The following JMJD1C variants were observed in gnomAD, a reference collection of about 807,000 sequenced individuals.
The protein encoded by JMJD1C is jumonji domain-containing protein 1C.
In JMJD1C, 31 loss-of-function variants were observed where a neutral mutation model predicts 245.3. That is an observed-to-expected ratio of 0.13 (90% CI 0.09 to 0.17). JMJD1C has a LOEUF of 0.17. Ranked by LOEUF, JMJD1C falls within the 10% of genes least tolerant of loss-of-function variation. JMJD1C has a pLI of 1.00. For synonymous variants in JMJD1C, 1,057 were observed against 1,017.4 expected (o/e 1.04, Z -0.74); for missense variants, 2,691 against 3,000.2 (o/e 0.90, Z 2.41).
chr10:63,171,009 T>A (rs1842299209), intron 24 of JMJD1C, among the ~76,000 whole-genome samples: 1 of 152,250 alleles, frequency 6.6e-6, no homozygotes, highest in Admixed American at 6.5e-5. Context: ...GATTGCTATT[T>A]ACTCAGTTAT....
intron 2 of JMJD1C, among the ~76,000 whole-genome samples, chr10:63,330,628 T>G (rs1490160699): frequency 6.6e-6 from 1 of 152,032 alleles, no homozygotes; most frequent in Non-Finnish European, 1.5e-5. Context: ...CTATTATCAT[T>G]TTTTCTTTCT....
intron 3 of JMJD1C, among the ~76,000 whole-genome samples, chr10:63,244,256 C>G (rs977445997): frequency 1.3e-5 from 2 of 152,154 alleles, no homozygotes; most frequent in Non-Finnish European, 2.9e-5. Flanking sequence ...CTAGTCTTCG[C>G]ACTACCAGGA....
intron 8 of JMJD1C, among the ~76,000 whole-genome samples, chr10:63,209,905 T>C (rs1288249907): frequency 6.6e-6 from 1 of 152,192 alleles, no homozygotes; most frequent in Non-Finnish European, 1.5e-5. Flanking sequence ...GACTACATGC[T>C]TAAGGATTTT....
intron 3 of JMJD1C, among the ~76,000 whole-genome samples, chr10:63,232,259 C>T (rs1259627153): frequency 6.6e-6 from 1 of 152,146 alleles, no homozygotes; most frequent in Non-Finnish European, 1.5e-5. Context: ...TTCTGGAACA[C>T]GTTCATCTTT....
Position 63,207,229 on chromosome 10 carries a change from G to T in JMJD1C, c.4440C>A (p.Ile1480=). The change falls in exon 10 of 26, where the codon ATC becomes ATA. Residue 1480 remains isoleucine, a synonymous_variant. Transcript: ENST00000399262. The part of the protein sequence containing the change: ...SSGFSGTTDF[I]HLKKHKAALA... ...ATGCTGCCTTGTGCTTTTTTAAATG[G>T]ATAAAATCAGTTGTGCCTGAGAACC... 2.5e-6 allele frequency: 4 copies of T among 1,614,060 alleles called. No individual in the cohort carries two copies. In the South Asian group the frequency reaches 3.3e-5, roughly 13 times the overall value.
intron 2 of JMJD1C, among the ~76,000 whole-genome samples, chr10:63,285,173 C>G (rs1234194569): frequency 6.6e-6 from 1 of 152,096 alleles, no homozygotes; most frequent in South Asian, 2.1e-4. Flanking sequence ...AATGGAGCCC[C>G]AAACTGCAAG....
chr10:63,265,629 C>T (rs1183477358), intron 2 of JMJD1C, among the ~76,000 whole-genome samples: 1 of 151,992 alleles, frequency 6.6e-6, no homozygotes, highest in Non-Finnish European at 1.5e-5. Flanking sequence ...TGGTACTGTT[C>T]TAAAAACTTG....
chr10:63,188,051 C>T (rs1844338043), intron 18 of JMJD1C, among the ~76,000 whole-genome samples: 1 of 152,138 alleles, frequency 6.6e-6, no homozygotes, highest in Non-Finnish European at 1.5e-5. Context: ...CTCTTGTCCA[C>T]CTAGCAAAAA....
intron 2 of JMJD1C, among the ~76,000 whole-genome samples, chr10:63,376,719 C>T (rs1215463752): frequency 6.6e-6 from 1 of 152,120 alleles, no homozygotes; most frequent in African/African-American, 2.4e-5. Flanking sequence ...AACAAAACCA[C>T]AATGACATGC....
intron 2 of JMJD1C, among the ~76,000 whole-genome samples, chr10:63,283,626 CG>C (rs1278100850): frequency 6.6e-6 from 1 of 152,108 alleles, no homozygotes; most frequent in Non-Finnish European, 1.5e-5. Context: ...CTCGGCCTCC[CG>C]AAGGGCTGGG....
intron 1 of JMJD1C, among the ~76,000 whole-genome samples, chr10:63,519,642 C>A (rs1199443946): frequency 1.3e-5 from 2 of 152,098 alleles, no homozygotes; most frequent in African/African-American, 2.4e-5. Flanking sequence ...ATAATTGTCC[C>A]TGAGGAAAAC....
At chr10:63,177,664 T>C (rs1842978675) in intron 23 of JMJD1C, 53 bp downstream of exon 23, 1 of 1,585,096 alleles carries the variant, frequency 6.3e-7, no homozygotes, top group African/African-American at 1.3e-5. Flanking sequence ...ACGGCAACAA[T>C]GAATAAGTCC....
intron 1 of JMJD1C, among the ~76,000 whole-genome samples, chr10:63,429,064 T>C (rs914488277): frequency 6.6e-6 from 1 of 152,192 alleles, no homozygotes; most frequent in African/African-American, 2.4e-5. Flanking sequence ...TACCGTAACC[T>C]CTACCTCCCG....
intron 2 of JMJD1C, among the ~76,000 whole-genome samples, chr10:63,337,645 C>T (rs1380415681): frequency 1.0e-5 from 1 of 97,892 alleles, no homozygotes; most frequent in Admixed American, 9.0e-5. Context: ...AAAAAAAATC[C>T]GCTATTGTTC....
chr10:63,495,707 G>A (rs943678266), intron 1 of JMJD1C, among the ~76,000 whole-genome samples: 2 of 147,722 alleles, frequency 1.4e-5, no homozygotes, highest in Non-Finnish European at 3.0e-5. Context: ...GCAGTGAGCC[G>A]AGATCGCACC....
chr10:63,381,943 G>A (rs189418784), intron 1 of JMJD1C, among the ~76,000 whole-genome samples: 12 of 152,326 alleles, frequency 7.9e-5, no homozygotes, highest in African/African-American at 2.2e-4. Context: ...CATACGCGAT[G>A]GCTCATGCCT....
chr10:63,407,338 A>G (rs1248953085), intron 1 of JMJD1C, among the ~76,000 whole-genome samples: 1 of 152,258 alleles, frequency 6.6e-6, no homozygotes, highest in Admixed American at 6.5e-5. Flanking sequence ...GAAAGCTGAC[A>G]TAATGAAATA....
At chr10:63,239,665 C>G (rs982913198) in intron 3 of JMJD1C, among the ~76,000 whole-genome samples, 2 of 152,128 alleles carry the variant, frequency 1.3e-5, no homozygotes, top group Non-Finnish European at 2.9e-5. Flanking sequence ...AGGATGGTCT[C>G]AAACTCTTGA....
At chr10:63,414,221 C>T (rs1352762856) in intron 1 of JMJD1C, among the ~76,000 whole-genome samples, 1 of 152,004 alleles carries the variant, frequency 6.6e-6, no homozygotes, top group East Asian at 1.9e-4. Flanking sequence ...CTCCTGACCT[C>T]GTGATCTGCC....
Sources: allele counts gnomAD v4.1 joint callset (sites outside exome capture counted in the v4.1 genomes callset), GRCh38; gene constraint gnomAD v4.1.1; transcripts MANE v1.5; gene names NCBI Gene and HGNC (gene_info 2026-07-23, HGNC 2026-07-21).